PARP8: variants seen among roughly 807,000 people sequenced by gnomAD.
PARP8 encodes the protein poly(ADP-ribose) polymerase family member 8.
In PARP8, 51 loss-of-function variants were observed where a neutral mutation model predicts 124.1. The ratio of observed to expected loss-of-function variants is 0.41; its 90% CI spans 0.33 to 0.52. PARP8 has a LOEUF of 0.52. Ranked by LOEUF, PARP8 falls within the 20% of genes least tolerant of loss-of-function variation. The pLI, the probability that PARP8 is intolerant of heterozygous loss-of-function variation, is 0.21. For missense variants in PARP8, 860 were observed against 1,018.9 expected (o/e 0.84, Z 2.12); for synonymous variants, 391 against 361.5 (o/e 1.08, Z -0.93).
chr5:50,747,941 T>G (rs1014660787), intron 2 of PARP8, among the ~76,000 whole-genome samples: 1 of 151,608 alleles, frequency 6.6e-6, no homozygotes, highest in African/African-American at 2.4e-5. Flanking sequence ...CCCGGCTAAT[T>G]TTTTTTGTAT....
chr5:50,797,332 A>C, intron 14 of PARP8, 99 bp downstream of exon 14: 1 of 832,064 alleles, frequency 1.2e-6, no homozygotes, highest in South Asian at 2.3e-5. Flanking sequence ...AGTTGAAAGC[A>C]AATACTCTTT....
intron 2 of PARP8, among the ~76,000 whole-genome samples, chr5:50,685,243 C>T (rs1579948240): frequency 6.6e-6 from 1 of 152,130 alleles, no homozygotes; most frequent in East Asian, 1.9e-4. Context: ...CCAACTCAGA[C>T]TGGATTAAAT....
Position 50,795,089 on chromosome 5 carries a change from G to A in PARP8, c.1100G>A (p.Cys367Tyr). The change falls in exon 12 of 26, where the codon TGC becomes TAC. Residue 367 changes from cysteine to tyrosine, a missense_variant. Cys to Tyr is a radical substitution (Grantham distance 194). Transcript: ENST00000281631. ...TCGCACAAACTTTTGAACCGTCCTT[G>A]CCCTGCAGCTGTTAAGTCAGAGGAA... ...IKSHKLLNRPCPAAVKSEECL... is the reference protein window; with the variant it reads ...IKSHKLLNRPYPAAVKSEECL... 6.2e-7 allele frequency: 1 copy of A among 1,614,180 alleles called. No homozygotes were observed. The highest frequency in any genetic ancestry group is 1.1e-5 in the South Asian group (1 of 91,082).
intron 17 of PARP8, among the ~76,000 whole-genome samples, chr5:50,824,241 G>A (rs1746089991): frequency 6.6e-6 from 1 of 152,166 alleles, no homozygotes; most frequent in Non-Finnish European, 1.5e-5. Context: ...CACAAGCTTT[G>A]CTTTCATATT....
intron 2 of PARP8, among the ~76,000 whole-genome samples, chr5:50,725,997 A>G (rs1300682275): frequency 6.6e-6 from 1 of 152,094 alleles, no homozygotes; most frequent in African/African-American, 2.4e-5. Context: ...TGGTTATGCT[A>G]CCTACTCCTA....
intron 2 of PARP8, among the ~76,000 whole-genome samples, chr5:50,725,688 G>A (rs887588074): frequency 5.3e-5 from 8 of 152,092 alleles, no homozygotes; most frequent in East Asian, 1.9e-4. Flanking sequence ...CATGGCAAAC[G>A]GTTTCCATTA....
chr5:50,794,083 G>A lies in PARP8; in HGVS notation c.738-124G>A. 4.9e-6 allele frequency: 5 copies of A among 1,027,922 alleles called. No homozygotes were observed. In the Middle Eastern group the frequency reaches 9.8e-4, roughly 202 times the overall value. The allele number at this position is 1,027,922 out of a possible 1,614,324, so 63.7% of individuals were successfully genotyped here. ...AAAAATCTTGTATGATTCTAAATTA[G>A]CGTCTCACTGATTTCTATGTGTTTG... On this transcript the variant is annotated intron_variant, in intron 10 of 25. Coordinates refer to ENST00000281631, the MANE Select transcript of PARP8 (RefSeq NM_024615.4).
chr5:50,770,936 C>A (rs919767400), intron 7 of PARP8, among the ~76,000 whole-genome samples: 1 of 151,892 alleles, frequency 6.6e-6, no homozygotes, highest in African/African-American at 2.4e-5. Flanking sequence ...TAATCTTATC[C>A]TTTAAGATTA....
chr5:50,765,264 A>G (rs1343544985), intron 7 of PARP8, among the ~76,000 whole-genome samples: 1 of 150,134 alleles, frequency 6.7e-6, no homozygotes, highest in Admixed American at 6.7e-5. Flanking sequence ...CTCCGTCTCA[A>G]AAAAAAAAAG....
chr5:50,685,723 T>C (rs947416692), intron 2 of PARP8, among the ~76,000 whole-genome samples: 17 of 152,170 alleles, frequency 1.1e-4, no homozygotes, highest in Non-Finnish European at 2.1e-4. Flanking sequence ...GAAAGAGGTT[T>C]AATTGGACTT....
At chr5:50,780,038 A>C (rs950701234) in intron 9 of PARP8, among the ~76,000 whole-genome samples, 16 of 152,196 alleles carry the variant, frequency 1.1e-4, no homozygotes, top group Non-Finnish European at 2.2e-4. Flanking sequence ...AATTTCTCAT[A>C]ATTCTTGTAA....
rs148694437 is a variant in PARP8, at chr5:50,834,869, C to T, written c.2378-62C>T. ...TTCAACGAGAAGAGATATATTAAGT[C>T]GGAATGGACTAGGATTCCTTTAGAA... On this transcript the variant is annotated intron_variant, in intron 24 of 25. Coordinates refer to ENST00000281631, the MANE Select transcript of PARP8 (RefSeq NM_024615.4). 364 of 1,359,930 alleles carry T rather than the reference C, an allele frequency of 2.7e-4. 1 individual carries two copies. The East Asian group carries it at 7.2e-3, about 27-fold the overall frequency. 84.2% of individuals were successfully genotyped at this position (1,359,930 alleles called of 1,614,324 possible). A position where few individuals can be genotyped will look rare whatever the true frequency, so the allele number is the denominator to read the frequency against.
chr5:50,667,964 G>C, intron 1 of PARP8, 107 bp from the exon 2 acceptor site: 1 of 1,597,358 alleles, frequency 6.3e-7, no homozygotes, highest in South Asian at 1.1e-5. Context: ...CTTGCCTTCT[G>C]CCCGGCCAGG....
chr5:50,721,267 T>G (rs1237251762), intron 2 of PARP8, among the ~76,000 whole-genome samples: 2 of 152,032 alleles, frequency 1.3e-5, no homozygotes, highest in Admixed American at 1.3e-4. Context: ...GAGTGCTTCC[T>G]CTGAGAAAAC....
At chr5:50,825,776 T>TTA (rs1240055719) in intron 18 of PARP8, among the ~76,000 whole-genome samples, 1 of 152,142 alleles carries the variant, frequency 6.6e-6, no homozygotes, top group Non-Finnish European at 1.5e-5. Context: ...GAATGAGCAC[T>TTA]TATACCATGC....
chr5:50,750,069 T>C (rs1314837928), intron 2 of PARP8, 82 bp from the exon 3 acceptor site: 1 of 1,101,600 alleles, frequency 9.1e-7, no homozygotes, highest in East Asian at 2.4e-5. Flanking sequence ...ATGGGTAACA[T>C]GGGTTTGGTT....
chr5:50,753,618 G>C lies in PARP8; in HGVS notation c.184+3430G>C, dbSNP rs141217221. Among the ~76,000 whole-genome samples the C allele has an allele frequency of 1.4e-4, 21 of 152,082 alleles. No homozygotes were observed. The East Asian group carries it at 3.3e-3, about 24-fold the overall frequency. ...CTAGTGTATAGTTAGTTAATTAATAGTATTTAATTTCTCTGAGCCTTAGTT... is the reference window on the plus strand; with the variant it reads ...CTAGTGTATAGTTAGTTAATTAATACTATTTAATTTCTCTGAGCCTTAGTT... On this transcript the variant is annotated intron_variant, in intron 3 of 25. Transcript: ENST00000281631.
chr5:50,739,725 TA>T lies in PARP8; in HGVS notation c.147-10425del, dbSNP rs1561310787. On this transcript the variant is annotated intron_variant, in intron 2 of 25. Transcript: ENST00000281631. ...GGGTATATACATATATATATATATA[TA>T]TATATATTTTTTTTTTTTTTTTTTT... 8.5e-3 allele frequency among the ~76,000 whole-genome samples: 921 copies of T among 108,156 alleles called. 2 individuals carry two copies. Among genetic ancestry groups the T allele is most frequent in the Non-Finnish European group, 0.01 (534 of 52,950 alleles). 71.0% of individuals were successfully genotyped at this position (108,156 alleles called of 152,430 possible). A position where few individuals can be genotyped will look rare whatever the true frequency, so the allele number is the denominator to read the frequency against.
At position 50,821,104 on chromosome 5, in the gene PARP8, G is replaced by A; in HGVS notation, c.1669-109G>A. 3 of 1,253,676 alleles carry A rather than the reference G, an allele frequency of 2.4e-6. No homozygotes were observed. The South Asian group carries it at 4.1e-5, about 17-fold the overall frequency. 77.7% of individuals were successfully genotyped at this position (1,253,676 alleles called of 1,614,324 possible). A position where few individuals can be genotyped will look rare whatever the true frequency, so the allele number is the denominator to read the frequency against. ...GCATTACACATTTGAGAGATTGGTA[G>A]CAGTCCTGATCTTCCTCATTAACTT... is the stretch of plus-strand genomic sequence containing the variant. On this transcript the variant is annotated intron_variant, in intron 15 of 25. Transcript: ENST00000281631.
Sources: allele counts gnomAD v4.1 joint callset (sites outside exome capture counted in the v4.1 genomes callset), GRCh38; gene constraint gnomAD v4.1.1; transcripts MANE v1.5; gene names NCBI Gene and HGNC (gene_info 2026-07-23, HGNC 2026-07-21).